Variants in AMBN observed in about 807,000 individuals in gnomAD.
The protein encoded by AMBN is enamel matrix protein.
In AMBN, 54 loss-of-function variants were observed where a neutral mutation model predicts 48.0. The ratio of observed to expected loss-of-function variants is 1.12; its 90% confidence interval spans 0.90 to 1.41. The LOEUF is 1.41. Among genes scored for constraint, AMBN ranks in the 40% most tolerant of loss-of-function variants. AMBN has a pLI of 0.00. For missense variants in AMBN, 571 were observed against 547.3 expected, an observed-to-expected ratio of 1.04 and a Z score of -0.43; for synonymous variants, 186 against 190.0, an observed-to-expected ratio of 0.98 and a Z score of 0.17.
intron 4 of AMBN, 49 bp from the exon 5 acceptor site, chr4:70,599,487 A>G (rs1737468296): frequency 7.3e-6 from 10 of 1,363,002 alleles, no homozygotes; most frequent in Non-Finnish European, 1.0e-5. Context: ...AACCAATGTT[A>G]TATTTAACAT....
chr4:70,598,482 T>A, intron 4 of AMBN, 79 bp downstream of exon 4: 1 of 1,137,374 alleles, frequency 8.8e-7, no homozygotes, highest in Non-Finnish European at 1.2e-6. Flanking sequence ...TCATCAAATT[T>A]ATTTATGAAT....
chr4:70,606,822 C>T lies in AMBN; in HGVS notation c.*92C>T. 1 of 1,387,670 alleles carries T rather than the reference C, an allele frequency of 7.2e-7. No homozygotes were observed. Among genetic ancestry groups the T allele is most frequent in the East Asian group, 2.4e-5 (1 of 42,154 alleles). The allele number at this position is 1,387,670 out of a possible 1,614,324, so 86.0% of individuals were successfully genotyped here. On this transcript the variant is annotated 3_prime_UTR_variant, in exon 13 of 13. Coordinates refer to ENST00000322937, the MANE Select transcript of AMBN (RefSeq NM_016519.6). ...TTTTGCTAAAACACTTATTACCCTT[C>T]TGCAGCAAAGGCATTAAAAGCGCTA...
rs115835101 is a variant in AMBN, at chr4:70,599,066, C to T, written c.184-470C>T. On this transcript the variant is annotated intron_variant, in intron 4 of 12. Transcript: ENST00000322937. ...CTGGGATTAGAGGCGTGAGCCACCA[C>T]GTCCAGCCATACCTATCCATTTTAA... Among the ~76,000 whole-genome samples, 1,244 of 151,416 alleles carry T rather than the reference C, an allele frequency of 8.2e-3. 19 individuals carry two copies. Among genetic ancestry groups the T allele is most frequent in the African/African-American group, 0.029 (1,189 of 41,210 alleles).
rs374816418 is a variant in AMBN, at chr4:70,603,856, G to C, written c.754-21G>C. ...GAAGGTAGCTGGTTCGTAATTTGAC[G>C]CAATATTTCTTTTTGAACAGAATGC... On this transcript the variant is annotated intron_variant, in intron 11 of 12. Transcript: ENST00000322937. 517 of 1,613,440 alleles carry C rather than the reference G, an allele frequency of 3.2e-4. 1 individual carries two copies. The highest frequency in any genetic ancestry group is 5.5e-4 in the South Asian group (50 of 91,038).
intron 3 of AMBN, 71 bp downstream of exon 3, chr4:70,597,120 C>G: frequency 1.4e-6 from 2 of 1,381,916 alleles, no homozygotes; most frequent in Non-Finnish European, 2.0e-6. Flanking sequence ...GAAATATAAT[C>G]GTGTGCTTCT....
At chr4:70,600,698 G>A (rs542547942) in intron 5 of AMBN, among the ~76,000 whole-genome samples, 1 of 152,288 alleles carries the variant, frequency 6.6e-6, no homozygotes, top group Admixed American at 6.5e-5. Flanking sequence ...TCTACAAGAA[G>A]TAACAAAACA....
At chr4:70,604,181 A>G (rs1002530057) in intron 12 of AMBN, among the ~76,000 whole-genome samples, 10 of 151,952 alleles carry the variant, frequency 6.6e-5, no homozygotes, top group Admixed American at 4.6e-4. Context: ...AGAGGAGAAA[A>G]CTCCCCTTGA....
At chr4:70,603,765 A>G in intron 11 of AMBN, 112 bp from the exon 12 acceptor site, 1 of 1,146,250 alleles carries the variant, frequency 8.7e-7, no homozygotes, top group Non-Finnish European at 1.3e-6. Context: ...TTGCCTCTGT[A>G]CACAGCATTA....
chr4:70,601,047 C>T (rs1737509071), intron 5 of AMBN, among the ~76,000 whole-genome samples: 1 of 152,108 alleles, frequency 6.6e-6, no homozygotes. Flanking sequence ...CATTCTCTCT[C>T]CGTTGACTGG....
In AMBN at chr4:70,599,646, G is replaced by A; in HGVS notation, c.294G>A (p.Gln98=). 1.3e-6 allele frequency: 2 copies of A among 1,599,380 alleles called. No individual in the cohort carries two copies. Among genetic ancestry groups the A allele is most frequent in the South Asian group, 1.1e-5 (1 of 89,738 alleles). Residue 98 remains glutamine (Q), a splice_region_variant and synonymous_variant, in exon 5 of 13, where the codon CAG becomes CAA. Coordinates refer to ENST00000322937, the MANE Select transcript of AMBN (RefSeq NM_016519.6). ...WMRPREHETQ[Q]YEYSLPVHPP... ...GGCCAAGAGAACATGAAACTCAACA[G>A]GTGAGTGAATAGCATCAATATGTTT... is the stretch of plus-strand genomic sequence containing the variant.
intron 2 of AMBN, among the ~76,000 whole-genome samples, chr4:70,594,467 C>A (rs1737348332): frequency 6.6e-6 from 1 of 152,212 alleles, no homozygotes; most frequent in Admixed American, 6.5e-5. Flanking sequence ...AAGACATGAT[C>A]TCTTGTCTCC....
intron 5 of AMBN, among the ~76,000 whole-genome samples, chr4:70,600,104 C>A (rs1737484050): frequency 6.6e-6 from 1 of 152,064 alleles, no homozygotes; most frequent in Non-Finnish European, 1.5e-5. Flanking sequence ...GTCAGGAGTT[C>A]AAGACCAGCC....
intron 1 of AMBN, 86 bp downstream of exon 1, chr4:70,592,459 C>T: frequency 6.9e-7 from 1 of 1,443,912 alleles, no homozygotes; most frequent in Non-Finnish European, 9.7e-7. Context: ...GAGGATTTAT[C>T]TTCATTTGTC....
Position 70,606,360 on chromosome 4 carries a change from G to A in AMBN, c.974G>A (p.Gly325Asp), listed in dbSNP as rs755021007. The A allele has an allele frequency of 1.2e-6, 2 of 1,613,886 alleles. No homozygotes were observed. The highest frequency in any genetic ancestry group is 1.1e-5 in the South Asian group (1 of 91,066). The change falls in exon 13 of 13, where the codon GGC becomes GAC. Residue 325 changes from glycine (G) to aspartate (D), a missense_variant. Gly to Asp is a moderately conservative substitution (Grantham distance 94). Coordinates refer to ENST00000322937, the MANE Select transcript of AMBN (RefSeq NM_016519.6). ...GAGAACGAAGAAGGAGGTGCACAAG[G>A]CTCCCCTATGCCGGAGGCCAACCCA... The part of the protein sequence containing the change: ...GPENEEGGAQ[G>D]SPMPEANPDN...
chr4:70,595,190 C>CTTTT (rs367866356), intron 2 of AMBN, among the ~76,000 whole-genome samples: 5 of 119,078 alleles, frequency 4.2e-5, no homozygotes, highest in African/African-American at 9.6e-5. Context: ...TCCCTCTATT[C>CTTTT]TTTTTTTTTT....
At chr4:70,603,734 A>G (rs891261994) in intron 11 of AMBN, 143 bp from the exon 12 acceptor site, 16 of 862,464 alleles carry the variant, frequency 1.9e-5, no homozygotes, top group South Asian at 3.4e-5. Context: ...CATTTATTCC[A>G]TAATGACTCA....
intron 5 of AMBN, among the ~76,000 whole-genome samples, chr4:70,601,065 A>G (rs1185159268): frequency 6.6e-6 from 1 of 152,236 alleles, no homozygotes; most frequent in Non-Finnish European, 1.5e-5. Context: ...TGGGGGACAA[A>G]GATTTATAAC....
At position 70,602,612 on chromosome 4, in the gene AMBN, T is replaced by A. The variant is rs763931330; in HGVS notation, c.532-12T>A. On this transcript the variant is annotated splice_polypyrimidine_tract_variant and intron_variant, in intron 6 of 12. Coordinates refer to ENST00000322937, the MANE Select transcript of AMBN (RefSeq NM_016519.6). ...TTTTGACTGATAATTTTAATATTTA[T>A]CTGTGATATAGCTCCCAGGAGTAGA... 3.9e-6 allele frequency: 6 copies of A among 1,536,376 alleles called. No individual in the cohort carries two copies. In the South Asian group the frequency reaches 5.4e-5, roughly 14 times the overall value.
intron 4 of AMBN, among the ~76,000 whole-genome samples, chr4:70,598,808 T>C (rs938926655): frequency 1.3e-5 from 2 of 151,894 alleles, no homozygotes; most frequent in African/African-American, 4.8e-5. Flanking sequence ...AGAGTGTCGC[T>C]CTGTTGCCCA....
Sources: gnomAD v4.1 joint callset for allele counts (sites outside exome capture counted in the v4.1 genomes callset) on GRCh38, gnomAD v4.1.1 for gene constraint, MANE v1.5 for transcripts, NCBI Gene and HGNC (gene_info 2026-07-23, HGNC 2026-07-21) for gene names.